SPEF2: variants seen among roughly 807,000 people sequenced by gnomAD.
SPEF2 encodes the protein sperm flagella and cilia-associated protein 2.
A neutral mutation model predicts 224.6 loss-of-function variants in SPEF2; 187 were observed. The observed-to-expected ratio is 0.83, with a 90% CI of 0.74 to 0.94. The LOEUF (loss-of-function observed/expected upper bound fraction) is 0.94, where lower values mean the gene tolerates loss of function less well. SPEF2 is among the 40% of genes least tolerant of loss of function. SPEF2 has a pLI of 0.00. For missense variants in SPEF2, 2,170 were observed against 2,135.6 expected, an observed-to-expected ratio of 1.02 and a Z score of -0.32; for synonymous variants, 715 against 707.3, an observed-to-expected ratio of 1.01 and a Z score of -0.17.
intron 10 of SPEF2, among the ~76,000 whole-genome samples, chr5:35,672,748 T>G (rs944679313): frequency 3.9e-5 from 6 of 152,238 alleles, no homozygotes; most frequent in Admixed American, 2.0e-4. Context: ...ATTCAGAAAT[T>G]AATCTTCAAA....
chr5:35,720,163 G>A (rs1743357216), intron 20 of SPEF2, among the ~76,000 whole-genome samples: 3 of 152,150 alleles, frequency 2.0e-5, no homozygotes, highest in East Asian at 3.8e-4. Context: ...TCATAGATAG[G>A]TTCTAAATTC....
intron 2 of SPEF2, among the ~76,000 whole-genome samples, chr5:35,639,812 C>T (rs1746339420): frequency 1.3e-5 from 2 of 151,578 alleles, no homozygotes; most frequent in Non-Finnish European, 2.9e-5. Context: ...TAGAGAGGTC[C>T]CTCAGAGGTC....
rs191528148 is a variant in SPEF2, at chr5:35,800,861, C to G, written c.5010+714C>G. Among the ~76,000 whole-genome samples, 1,045 of 152,192 alleles carry G rather than the reference C, an allele frequency of 6.9e-3. 15 individuals are homozygous for G. The highest frequency in any genetic ancestry group is 0.024 in the African/African-American group (997 of 41,504). ...GAAACAGAGGGGAAAAGATTGCTGC[C>G]CAGTCGAGACTCCTCAGATGTTCCA... On this transcript the variant is annotated intron_variant, in intron 34 of 36. Coordinates refer to ENST00000356031, the MANE Select transcript of SPEF2 (RefSeq NM_024867.4).
chr5:35,740,320 C>T, intron 23 of SPEF2, 53 bp downstream of exon 23: 1 of 1,598,938 alleles, frequency 6.3e-7, no homozygotes, highest in Non-Finnish European at 8.5e-7. Context: ...CATATCTTGT[C>T]CTGCAAAACC....
intron 7 of SPEF2, among the ~76,000 whole-genome samples, chr5:35,658,213 A>AT (rs1749217220): frequency 6.6e-6 from 1 of 152,212 alleles, no homozygotes; most frequent in South Asian, 2.1e-4. Context: ...CCAGCCTATT[A>AT]TGATGACCAG....
At chr5:35,788,956 G>T (rs1337094807) in intron 30 of SPEF2, 2 of 702,956 alleles carry the variant, frequency 2.8e-6, no homozygotes, top group African/African-American at 1.7e-5. Flanking sequence ...GAGACAGGAA[G>T]TGGCTTCATG....
At chr5:35,772,960 G>A (rs1475543748) in intron 27 of SPEF2, among the ~76,000 whole-genome samples, 2 of 152,140 alleles carry the variant, frequency 1.3e-5, no homozygotes, top group African/African-American at 4.8e-5. Flanking sequence ...ATGTAAATGG[G>A]CCCTGCAACT....
intron 15 of SPEF2, 126 bp downstream of exon 15, chr5:35,697,919 T>C: frequency 3.3e-6 from 2 of 610,992 alleles, no homozygotes; most frequent in Non-Finnish European, 5.4e-6. Context: ...TATATGAAAA[T>C]ATACAGCAAT....
chr5:35,794,626 A>G (rs1458945907), intron 32 of SPEF2, among the ~76,000 whole-genome samples: 1 of 152,210 alleles, frequency 6.6e-6, no homozygotes, highest in Non-Finnish European at 1.5e-5. Flanking sequence ...AAGATTTTTA[A>G]AAGTGCGCAC....
At chr5:35,692,502 C>G in intron 11 of SPEF2, 68 bp from the exon 12 acceptor site, 1 of 1,254,022 alleles carries the variant, frequency 8.0e-7, no homozygotes, top group Non-Finnish European at 1.1e-6. Flanking sequence ...ACAAAACCAG[C>G]ACATAAAGAC....
At chr5:35,695,308 C>A (rs1755149061) in intron 13 of SPEF2, among the ~76,000 whole-genome samples, 1 of 150,352 alleles carries the variant, frequency 6.7e-6, no homozygotes. Flanking sequence ...ACACCTCTGA[C>A]TTCTAGAGTC....
chr5:35,666,092 T>C (rs1471408442), intron 8 of SPEF2, among the ~76,000 whole-genome samples: 1 of 152,198 alleles, frequency 6.6e-6, no homozygotes, highest in African/African-American at 2.4e-5. Flanking sequence ...AGGAGACTAA[T>C]GACTTGCCCA....
At chr5:35,770,973 T>A (rs1396071516) in intron 26 of SPEF2, among the ~76,000 whole-genome samples, 1 of 152,080 alleles carries the variant, frequency 6.6e-6, no homozygotes, top group African/African-American at 2.4e-5. Flanking sequence ...TGATATTTAG[T>A]GCTCAAGTAG....
chr5:35,795,379 C>G (rs1429291800), intron 32 of SPEF2, among the ~76,000 whole-genome samples: 2 of 152,180 alleles, frequency 1.3e-5, no homozygotes, highest in Non-Finnish European at 2.9e-5. Context: ...GTAGCAGCCT[C>G]CAAGCGTCAT....
chr5:35,790,422 TA>T (rs1755792551), intron 30 of SPEF2: 2 of 436,516 alleles, frequency 4.6e-6, no homozygotes, highest in Non-Finnish European at 8.0e-6. Context: ...CTCTTTTGCA[TA>T]GTAAAAAATA....
chr5:35,667,231 G>C lies in SPEF2; in HGVS notation c.1327G>C (p.Val443Leu). 1 of 1,603,022 alleles carries C rather than the reference G, an allele frequency of 6.2e-7. No individual in the cohort carries two copies. Among genetic ancestry groups the C allele is most frequent in the South Asian group, 1.1e-5 (1 of 88,660 alleles). Residue 443 changes from valine to leucine, a missense_variant, in exon 9 of 37, where the codon GTG (valine) becomes CTG (leucine). By Grantham distance (32) the Val-to-Leu change is conservative. Coordinates refer to ENST00000356031, the MANE Select transcript of SPEF2 (RefSeq NM_024867.4). ...TCAAATAGTTGATTTGTCCACTAAA[G>C]TGGCAGACTATCGAATGTTGACAAA... is the stretch of plus-strand genomic sequence containing the variant. ...LDQIVDLSTK[V>L]ADYRMLTNNL...
At chr5:35,743,102 T>C (rs1747940550) in intron 23 of SPEF2, among the ~76,000 whole-genome samples, 1 of 151,456 alleles carries the variant, frequency 6.6e-6, no homozygotes, top group South Asian at 2.1e-4. Context: ...ACATATATAT[T>C]ATATGTGGAT....
intron 4 of SPEF2, 136 bp from the exon 5 acceptor site, chr5:35,646,530 TG>T (rs1747390622): frequency 1.4e-6 from 1 of 715,186 alleles, no homozygotes; most frequent in Non-Finnish European, 2.3e-6. Flanking sequence ...TACACAGTTG[TG>T]ACACCTAGTC....
intron 1 of SPEF2, 135 bp downstream of exon 1, chr5:35,618,190 C>T: frequency 1.1e-6 from 1 of 931,014 alleles, no homozygotes; most frequent in Non-Finnish European, 1.7e-6. Flanking sequence ...TAGCCGGCAG[C>T]ATCCCACAGT....
Sources: allele counts gnomAD v4.1 joint callset (sites outside exome capture counted in the v4.1 genomes callset), GRCh38; gene constraint gnomAD v4.1.1; transcripts MANE v1.5; gene names NCBI Gene and HGNC (gene_info 2026-07-23, HGNC 2026-07-21).